The following SYN3 variants were observed in gnomAD, a reference collection of about 807,000 sequenced individuals.
The protein encoded by SYN3 is synapsin III.
A neutral mutation model predicts 65.8 loss-of-function variants in SYN3; 35 were observed. The observed-to-expected ratio is 0.53, with a 90% CI of 0.41 to 0.70. The LOEUF (loss-of-function observed/expected upper bound fraction) is 0.70, where lower values mean the gene tolerates loss of function less well. SYN3 is among the 30% of genes least tolerant of loss of function. The probability of loss-of-function intolerance (pLI) is 0.00; values close to 1 mark genes in which losing one functional copy is unlikely to be tolerated. For missense variants in SYN3, 680 were observed against 749.0 expected, an observed-to-expected ratio of 0.91 and a Z score of 1.08; for synonymous variants, 270 against 292.9, an observed-to-expected ratio of 0.92 and a Z score of 0.80.
chr22:33,053,579 C>T (rs2054206817), intron 1 of SYN3, among the ~76,000 whole-genome samples: 1 of 152,184 alleles, frequency 6.6e-6, no homozygotes, highest in South Asian at 2.1e-4. Context: ...AAAACATAGA[C>T]TCTCTTGATG....
intron 6 of SYN3, among the ~76,000 whole-genome samples, chr22:32,605,670 G>A (rs1283455259): frequency 2.0e-5 from 3 of 152,166 alleles, no homozygotes; most frequent in East Asian, 1.9e-4. Flanking sequence ...AGAGCCACCC[G>A]CCCCTGCTCC....
intron 12 of SYN3, among the ~76,000 whole-genome samples, chr22:32,521,613 AT>A (rs1568999539): frequency 6.6e-6 from 1 of 151,640 alleles, no homozygotes; most frequent in African/African-American, 2.4e-5. Flanking sequence ...CGCCCAGCTA[AT>A]TTTTTGTATT....
intron 6 of SYN3, among the ~76,000 whole-genome samples, chr22:32,694,143 C>T (rs2060704808): frequency 6.6e-6 from 1 of 151,486 alleles, no homozygotes; most frequent in African/African-American, 2.4e-5. Context: ...GGTTTATAGT[C>T]TGGTTTTCAT....
chr22:32,831,198 G>A (rs1289149509), intron 6 of SYN3, among the ~76,000 whole-genome samples: 1 of 152,156 alleles, frequency 6.6e-6, no homozygotes, highest in East Asian at 1.9e-4. Context: ...GCAGAAGAGA[G>A]CTCCTTCCTG....
At chr22:32,598,078 C>T (rs2059228254) in intron 6 of SYN3, among the ~76,000 whole-genome samples, 1 of 152,196 alleles carries the variant, frequency 6.6e-6, no homozygotes, top group South Asian at 2.1e-4. Context: ...AACATAACTT[C>T]CTTCCATGTG....
intron 6 of SYN3, among the ~76,000 whole-genome samples, chr22:32,767,245 C>G (rs564395260): frequency 6.6e-6 from 1 of 152,300 alleles, no homozygotes; most frequent in Admixed American, 6.5e-5. Context: ...TTCTGACCCT[C>G]AAGTAGCCTT....
intron 3 of SYN3, among the ~76,000 whole-genome samples, chr22:32,962,129 C>CTCTTTT (rs1164668712): frequency 2.8e-5 from 3 of 107,184 alleles, no homozygotes; most frequent in African/African-American, 3.7e-5. Context: ...TTTAGAATCT[C>CTCTTTT]TTTTTTTTTT....
chr22:32,793,591 A>C (rs1263827024), intron 6 of SYN3, among the ~76,000 whole-genome samples: 3 of 152,198 alleles, frequency 2.0e-5, no homozygotes. Context: ...AGGGCCTAGC[A>C]TGGAGTAACA....
chr22:32,809,329 A>C (rs182139268), intron 6 of SYN3, among the ~76,000 whole-genome samples: 3 of 152,278 alleles, frequency 2.0e-5, no homozygotes, highest in Admixed American at 1.3e-4. Flanking sequence ...ACCTCTCCAC[A>C]TGAGTCTTTG....
intron 7 of SYN3, among the ~76,000 whole-genome samples, chr22:32,595,576 T>C (rs1208418336): frequency 6.6e-6 from 1 of 152,228 alleles, no homozygotes; most frequent in Middle Eastern, 3.2e-3. Flanking sequence ...TGAAGCCAGA[T>C]GTGTTTGCCA....
At chr22:33,056,598 A>G (rs545470290) in intron 1 of SYN3, among the ~76,000 whole-genome samples, 3 of 152,352 alleles carry the variant, frequency 2.0e-5, no homozygotes, top group African/African-American at 7.2e-5. Flanking sequence ...GCACTGCACC[A>G]TAGATCAACA....
intron 10 of SYN3, among the ~76,000 whole-genome samples, chr22:32,531,577 C>T (rs2058071867): frequency 6.6e-6 from 1 of 152,182 alleles, no homozygotes; most frequent in African/African-American, 2.4e-5. Context: ...AGGGTCTTTT[C>T]CCCTGAGTAT....
chr22:32,530,181 C>A (rs2058046311), intron 10 of SYN3: 1 of 152,228 alleles, frequency 6.6e-6, no homozygotes, highest in South Asian at 2.1e-4. Flanking sequence ...CCACAGACAC[C>A]TGTTTAGTGG....
At chr22:32,938,507 G>A (rs241873) in intron 3 of SYN3, among the ~76,000 whole-genome samples, 46,533 of 148,356 alleles carry the variant, frequency 0.31, 7,984 homozygotes, top group East Asian at 0.74. Context: ...TCCAGCCTGG[G>A]CAACAGAGTG....
intron 6 of SYN3, among the ~76,000 whole-genome samples, chr22:32,692,708 G>GCATAATTAGT (rs1365857588): frequency 6.6e-5 from 10 of 152,202 alleles, no homozygotes; most frequent in Admixed American, 5.9e-4. Flanking sequence ...GCTTCCTCAG[G>GCATAATTAGT]CATAATTAGT....
intron 4 of SYN3, among the ~76,000 whole-genome samples, chr22:32,897,862 C>T (rs573687503): frequency 1.4e-3 from 210 of 152,286 alleles, no homozygotes; most frequent in Non-Finnish European, 2.5e-3. Context: ...CTGTGTTACC[C>T]AGGCTGGAGT....
chr22:32,989,776 A>C (rs2052639385), intron 2 of SYN3, among the ~76,000 whole-genome samples: 1 of 148,410 alleles, frequency 6.7e-6, no homozygotes, highest in Admixed American at 6.9e-5. Flanking sequence ...CGGAGGTTGC[A>C]GTGAGCCAAG....
chr22:32,676,139 C>G (rs1173666001), intron 6 of SYN3, among the ~76,000 whole-genome samples: 1 of 152,250 alleles, frequency 6.6e-6, no homozygotes, highest in Non-Finnish European at 1.5e-5. Context: ...AGCCCCTGCC[C>G]TTGAGCACGC....
intron 4 of SYN3, among the ~76,000 whole-genome samples, chr22:32,908,481 T>G (rs1244337138): frequency 6.7e-6 from 1 of 149,284 alleles, no homozygotes; most frequent in East Asian, 2.0e-4. Context: ...ACCTTTTAAC[T>G]CCTGGGCTCA....
Sources: gnomAD v4.1 joint callset for allele counts (sites outside exome capture counted in the v4.1 genomes callset) on GRCh38, gnomAD v4.1.1 for gene constraint, MANE v1.5 for transcripts, NCBI Gene and HGNC (gene_info 2026-07-23, HGNC 2026-07-21) for gene names.